The following COL28A1 variants were observed in gnomAD, a reference collection of about 807,000 sequenced individuals.
COL28A1 encodes collagen alpha-1(XXVIII) chain.
Under a neutral mutation model 150.2 loss-of-function variants are expected in COL28A1, and 161 were observed. That is an observed-to-expected ratio of 1.07 (90% CI 0.94 to 1.22). The LOEUF (loss-of-function observed/expected upper bound fraction) is 1.22. COL28A1 is among the 50% of genes most tolerant of loss of function. COL28A1 has a pLI of 0.00. For synonymous variants in COL28A1, 552 were observed against 469.7 expected (o/e 1.18, Z -2.26); for missense variants, 1,617 against 1,388.3 (o/e 1.16, Z -2.62).
rs1461677793 is a variant in COL28A1, at chr7:7,520,688, G to A, written c.760-573C>T. Among the ~76,000 whole-genome samples, 4 of 152,168 alleles carry A rather than the reference G, an allele frequency of 2.6e-5. No homozygotes were observed. The East Asian group carries it at 5.8e-4, about 22-fold the overall frequency. ...CTGAGAAATGGTGTTGGGGGTACTC[G>A]ATAATGTTAAATAACATATTCTGTG... On this transcript the variant is annotated intron_variant, in intron 5 of 34. Transcript: ENST00000399429.
intron 11 of COL28A1, among the ~76,000 whole-genome samples, chr7:7,491,613 A>T (rs559774826): frequency 6.6e-6 from 1 of 152,378 alleles, no homozygotes; most frequent in Admixed American, 6.5e-5. Context: ...CCATAATAGA[A>T]TTCAGGCATT....
At chr7:7,499,791 T>G (rs1780422929) in intron 11 of COL28A1, among the ~76,000 whole-genome samples, 1 of 152,186 alleles carries the variant, frequency 6.6e-6, no homozygotes. Context: ...TTATGTTTAG[T>G]AGGTTGACCT....
chr7:7,396,992 G>A (rs975622732), intron 27 of COL28A1, among the ~76,000 whole-genome samples: 1 of 152,270 alleles, frequency 6.6e-6, no homozygotes, highest in South Asian at 2.1e-4. Context: ...GGCTCCCATG[G>A]AAATGTCCCT....
chr7:7,410,687 G>GA (rs143697622), intron 27 of COL28A1, among the ~76,000 whole-genome samples: 1 of 150,826 alleles, frequency 6.6e-6, no homozygotes, highest in East Asian at 1.9e-4. Flanking sequence ...TCAAGAAGGA[G>GA]AAAAAAACCT....
intron 11 of COL28A1, among the ~76,000 whole-genome samples, chr7:7,499,004 T>C (rs1164999825): frequency 6.6e-6 from 1 of 152,146 alleles, no homozygotes; most frequent in African/African-American, 2.4e-5. Flanking sequence ...CTTGAAGCTA[T>C]TGGCTGACAT....
At chr7:7,462,861 C>CAAAAAAAAAAA (rs3040227) in intron 15 of COL28A1, among the ~76,000 whole-genome samples, 1 of 113,914 alleles carries the variant, frequency 8.8e-6, no homozygotes, top group Non-Finnish European at 2.0e-5. Context: ...AACTCCATCT[C>CAAAAAAAAAAA]AAAAAAAAAA....
chr7:7,338,497 T>C, the COL28A1 span, among the ~76,000 whole-genome samples: 4 of 152,118 alleles, frequency 2.6e-5, no homozygotes, highest in Admixed American at 6.6e-5. Flanking sequence ...TCAGCTTGAA[T>C]ATTATTGGTG....
chr7:7,419,124 A>C (rs760164078), intron 26 of COL28A1, among the ~76,000 whole-genome samples: 5 of 152,152 alleles, frequency 3.3e-5, no homozygotes, highest in Admixed American at 2.6e-4. Context: ...TCTTTACCCT[A>C]CTTTCGAACA....
At chr7:7,451,155 T>C (rs1012790745) in intron 18 of COL28A1, among the ~76,000 whole-genome samples, 6 of 152,150 alleles carry the variant, frequency 3.9e-5, no homozygotes, top group African/African-American at 1.2e-4. Flanking sequence ...ACATTAACAT[T>C]TGATAAAGCT....
chr7:7,433,677 C>G lies in COL28A1; in HGVS notation c.1861-977G>C, dbSNP rs558892777. The stretch of plus-strand genomic sequence containing the variant: ...AAAAAGATTACCTACAAGTCCATTA[C>G]ACTTTTATTTAAAACTTGTAATACT... On this transcript the variant is annotated intron_variant, in intron 23 of 34. Transcript: ENST00000399429. Among the ~76,000 whole-genome samples the G allele has an allele frequency of 8.0e-5, 12 of 150,318 alleles. No homozygotes were observed. The East Asian group carries it at 2.1e-3, about 27-fold the overall frequency.
chr7:7,342,552 CCTTT>C, the COL28A1 span, among the ~76,000 whole-genome samples: 1 of 151,502 alleles, frequency 6.6e-6, no homozygotes, highest in Admixed American at 6.6e-5. Flanking sequence ...TTATCTTTTT[CCTTT>C]CTTTTTCCAT....
chr7:7,487,670 T>C (rs1442806009), intron 13 of COL28A1, among the ~76,000 whole-genome samples: 1 of 152,246 alleles, frequency 6.6e-6, no homozygotes, highest in Non-Finnish European at 1.5e-5. Flanking sequence ...CTTTTAATTT[T>C]ATAGAAGTTA....
chr7:7,411,952 C>T (rs1244234539), intron 27 of COL28A1, among the ~76,000 whole-genome samples: 3 of 152,086 alleles, frequency 2.0e-5, no homozygotes, highest in African/African-American at 7.3e-5. Flanking sequence ...CTGGAGGCAC[C>T]AATATACTTC....
At chr7:7,398,371 T>C (rs1782969212) in intron 27 of COL28A1, among the ~76,000 whole-genome samples, 1 of 152,248 alleles carries the variant, frequency 6.6e-6, no homozygotes, top group Admixed American at 6.5e-5. Context: ...TTATAACGAC[T>C]AGCAAATGAT....
At chr7:7,489,553 C>A in intron 12 of COL28A1, 96 bp from the exon 13 acceptor site, 8 of 750,940 alleles carry the variant, frequency 1.1e-5, no homozygotes, top group East Asian at 2.6e-5. Flanking sequence ...GGATAAATAG[C>A]GAAATAGACA....
intron 18 of COL28A1, among the ~76,000 whole-genome samples, chr7:7,451,377 C>T (rs1786679273): frequency 6.6e-6 from 1 of 152,060 alleles, no homozygotes; most frequent in South Asian, 2.1e-4. Context: ...AAGCACGCAT[C>T]AATACGCCCA....
chr7:7,424,526 AG>A (rs1784546902), intron 25 of COL28A1, among the ~76,000 whole-genome samples: 1 of 152,214 alleles, frequency 6.6e-6, no homozygotes, highest in African/African-American at 2.4e-5. Flanking sequence ...GAATTACAAC[AG>A]GTTGTCGCAT....
At chr7:7,536,842 C>A (rs915994673), upstream of COL28A1, among the ~76,000 whole-genome samples, 1 of 152,168 alleles carries the variant, frequency 6.6e-6, no homozygotes, top group Non-Finnish European at 1.5e-5. Flanking sequence ...GTGCTTCACA[C>A]ACATTACCTC....
chr7:7,345,687 G>GT, the COL28A1 span, among the ~76,000 whole-genome samples: 6 of 151,852 alleles, frequency 4.0e-5, no homozygotes, highest in South Asian at 4.1e-4. Context: ...AGTCTCCATT[G>GT]TTTTTTTACA....
Sources: gnomAD v4.1 joint callset for allele counts (sites outside exome capture counted in the v4.1 genomes callset) on GRCh38, gnomAD v4.1.1 for gene constraint, MANE v1.5 for transcripts, NCBI Gene and HGNC (gene_info 2026-07-23, HGNC 2026-07-21) for gene names.